MYOM1: variants seen among roughly 807,000 people sequenced by gnomAD.
MYOM1 encodes the protein myomesin-1.
A neutral mutation model predicts 205.3 loss-of-function variants in MYOM1; 164 were observed. The observed-to-expected ratio is 0.80, with a 90% CI of 0.70 to 0.91. The LOEUF (loss-of-function observed/expected upper bound fraction) is 0.91. Ranked by LOEUF, MYOM1 falls within the 40% of genes least tolerant of loss-of-function variation. The pLI is 0.00. For synonymous variants in MYOM1, 772 were observed against 789.4 expected (o/e 0.98, Z 0.37); for missense variants, 2,011 against 2,127.3 (o/e 0.95, Z 1.08).
chr18:3,103,910 T>G (rs772729124), intron 22 of MYOM1, among the ~76,000 whole-genome samples: 2 of 152,232 alleles, frequency 1.3e-5, no homozygotes, highest in Non-Finnish European at 2.9e-5. Flanking sequence ...AAGTGATTGT[T>G]AGCACATGCA....
intron 18 of MYOM1, among the ~76,000 whole-genome samples, chr18:3,127,305 A>ATATATATATATATATATT (rs56880961): frequency 1.3e-4 from 6 of 47,580 alleles, no homozygotes; most frequent in African/African-American, 2.8e-4. Context: ...ATATATATAT[A>ATATATATATATATATATT]TTTTTTTTTT....
chr18:3,075,778 A>G lies in MYOM1; in HGVS notation c.4649-17T>C, dbSNP rs1407078756. 1 of 1,568,666 alleles carries G rather than the reference A, an allele frequency of 6.4e-7. No individual in the cohort carries two copies. The highest frequency in any genetic ancestry group is 8.7e-7 in the Non-Finnish European group (1 of 1,155,396). On this transcript the variant is annotated splice_polypyrimidine_tract_variant and intron_variant, in intron 34 of 37. Transcript: ENST00000356443. ...CATCGTATGCTTTAAAAGAAAAAAG[A>G]AAAGTTAGAATTTTCTCACCCAGAA...
chr18:3,142,642 G>C (rs984948342), intron 13 of MYOM1, among the ~76,000 whole-genome samples: 1 of 152,008 alleles, frequency 6.6e-6, no homozygotes, highest in Non-Finnish European at 1.5e-5. Context: ...TCTGAGGCCA[G>C]GTCAGGAGTG....
At chr18:3,119,100 C>T (rs112612138) in intron 20 of MYOM1, among the ~76,000 whole-genome samples, 2,009 of 152,152 alleles carry the variant, frequency 0.013, 38 homozygotes, top group African/African-American at 0.045. Flanking sequence ...GTAAGAGTTA[C>T]AAGCAAGGTA....
the MYOM1 span, chr18:3,246,722 CA>C: frequency 6.6e-6 from 1 of 152,350 alleles, no homozygotes; most frequent in Non-Finnish European, 1.5e-5. Flanking sequence ...CAGGGCAACC[CA>C]AACTTCAGAA....
At chr18:3,159,585 A>T (rs1363906517) in intron 10 of MYOM1, among the ~76,000 whole-genome samples, 1 of 152,222 alleles carries the variant, frequency 6.6e-6, no homozygotes, top group African/African-American at 2.4e-5. Flanking sequence ...GAGTGAAAAC[A>T]ATCGCACTGT....
chr18:3,155,826 GA>G (rs1567939317), intron 10 of MYOM1, among the ~76,000 whole-genome samples: 2 of 152,140 alleles, frequency 1.3e-5, no homozygotes, highest in African/African-American at 2.4e-5. Context: ...AAGAAAATAC[GA>G]GTCATAGAGC....
At chr18:3,125,310 G>C (rs1373989892) in intron 19 of MYOM1, among the ~76,000 whole-genome samples, 2 of 152,164 alleles carry the variant, frequency 1.3e-5, no homozygotes, top group Non-Finnish European at 2.9e-5. Flanking sequence ...TACTTTGCTT[G>C]ATGTAGCTAA....
At chr18:3,197,828 G>A (rs554298360) in intron 2 of MYOM1, among the ~76,000 whole-genome samples, 42 of 152,112 alleles carry the variant, frequency 2.8e-4, no homozygotes, top group Non-Finnish European at 5.1e-4. Flanking sequence ...AGCCGAGATC[G>A]CACCACTGCA....
chr18:3,205,250 G>A (rs988092679), intron 2 of MYOM1, among the ~76,000 whole-genome samples: 17 of 152,112 alleles, frequency 1.1e-4, no homozygotes, highest in Admixed American at 8.5e-4. Context: ...AAAAACTTCT[G>A]GTTTTGGAAA....
intron 5 of MYOM1, among the ~76,000 whole-genome samples, chr18:3,183,307 A>G (rs777061660): frequency 1.4e-4 from 22 of 152,214 alleles, no homozygotes; most frequent in South Asian, 6.2e-4. Flanking sequence ...ATAGGACGGT[A>G]CTGCATCCTG....
At chr18:3,201,915 A>C (rs946233378) in intron 2 of MYOM1, among the ~76,000 whole-genome samples, 33 of 152,146 alleles carry the variant, frequency 2.2e-4, no homozygotes, top group African/African-American at 6.0e-4. Context: ...AAGTGCTGGA[A>C]TTGCACATGT....
At chr18:3,208,506 G>C (rs1245967168) in intron 2 of MYOM1, among the ~76,000 whole-genome samples, 1 of 152,080 alleles carries the variant, frequency 6.6e-6, no homozygotes, top group East Asian at 1.9e-4. Context: ...CTGGGCAACA[G>C]GGCAAGATCC....
chr18:3,114,463 C>T (rs11081011), intron 21 of MYOM1, among the ~76,000 whole-genome samples: 130,692 of 149,688 alleles, frequency 0.87, 57,651 homozygotes, highest in East Asian at 0.97. Flanking sequence ...CTGCAGCTTC[C>T]GCCTCCCTGG....
In MYOM1 at chr18:3,151,803, A is replaced by G. The variant is rs2080226667; in HGVS notation, c.1734T>C (p.Arg578=). Residue 578 remains arginine, a synonymous_variant, in exon 12 of 38, where the codon CGT becomes CGC. Transcript: ENST00000356443. ...RFPVTGLIEG[R]SYIFRVRAVN... ...CAGCTCGAACTCGGAAGATATAGGAACGACCTTCGATCAATCCAGTGACAG... is the reference window on the plus strand; with the variant it reads ...CAGCTCGAACTCGGAAGATATAGGAGCGACCTTCGATCAATCCAGTGACAG... 6.2e-7 allele frequency: 1 copy of G among 1,613,986 alleles called. No individual in the cohort carries two copies. Among genetic ancestry groups the G allele is most frequent in the African/African-American group, 1.3e-5 (1 of 75,056 alleles).
At chr18:3,184,743 G>A (rs1365047843) in intron 5 of MYOM1, among the ~76,000 whole-genome samples, 1 of 152,222 alleles carries the variant, frequency 6.6e-6, no homozygotes, top group Admixed American at 6.5e-5. Flanking sequence ...GAGAATGTAC[G>A]ATAAAGAATG....
At chr18:3,087,396 T>G (rs2079166103) in intron 29 of MYOM1, among the ~76,000 whole-genome samples, 1 of 151,862 alleles carries the variant, frequency 6.6e-6, no homozygotes. Flanking sequence ...CTGAGCTTTC[T>G]GTTGTCCGGG....
intron 2 of MYOM1, among the ~76,000 whole-genome samples, chr18:3,211,807 A>G (rs902614205): frequency 2.0e-5 from 3 of 152,212 alleles, no homozygotes; most frequent in Admixed American, 6.5e-5. Flanking sequence ...AGCCCTGAGC[A>G]CATGTAACTC....
rs889157437 is a variant in MYOM1, at chr18:3,075,800, A to C, written c.4649-39T>G. 3 of 1,530,404 alleles carry C rather than the reference A, an allele frequency of 2.0e-6. No homozygotes were observed. In the Admixed American group the frequency reaches 5.8e-5, roughly 30 times the overall value. The allele number at this position is 1,530,404 out of a possible 1,614,324, so 94.8% of individuals were successfully genotyped here. On this transcript the variant is annotated intron_variant, in intron 34 of 37. Coordinates refer to ENST00000356443, the MANE Select transcript of MYOM1 (RefSeq NM_003803.4). ...AAGAAAAGTTAGAATTTTCTCACCCAGAATTGATGACACACAGGGGCGATT... is the reference window on the plus strand; with the variant it reads ...AAGAAAAGTTAGAATTTTCTCACCCCGAATTGATGACACACAGGGGCGATT...
Sources: gnomAD v4.1 joint callset for allele counts (sites outside exome capture counted in the v4.1 genomes callset) on GRCh38, gnomAD v4.1.1 for gene constraint, MANE v1.5 for transcripts, NCBI Gene and HGNC (gene_info 2026-07-23, HGNC 2026-07-21) for gene names.